MLXIPL: variants seen among roughly 807,000 people sequenced by gnomAD.
MLXIPL encodes the protein carbohydrate-responsive element-binding protein.
In MLXIPL, 49 loss-of-function variants were observed where a neutral mutation model predicts 81.5. That is an observed-to-expected ratio of 0.60 (90% CI 0.48 to 0.76). The LOEUF is 0.76. Ranked by LOEUF, MLXIPL falls within the 30% of genes least tolerant of loss-of-function variation. The pLI, the probability that MLXIPL is intolerant of heterozygous loss-of-function variation, is 0.00. For synonymous variants in MLXIPL, 466 were observed against 485.5 expected, an observed-to-expected ratio of 0.96 and a Z score of 0.53; for missense variants, 1,053 against 1,167.0, an observed-to-expected ratio of 0.90 and a Z score of 1.42.
At chr7:73,598,541 A>G (rs1794536271) in intron 8 of MLXIPL, among the ~76,000 whole-genome samples, 1 of 152,146 alleles carries the variant, frequency 6.6e-6, no homozygotes, top group African/African-American at 2.4e-5. Context: ...ACCGCAGTCT[A>G]AGATGCATCT....
At chr7:73,607,531 G>A in intron 3 of MLXIPL, 59 bp downstream of exon 3, 2 of 1,588,882 alleles carry the variant, frequency 1.3e-6, no homozygotes, top group Non-Finnish European at 1.7e-6. Flanking sequence ...AGGAGGCAGG[G>A]GCTGGTCTTG....
chr7:73,646,326 C>A, the MLXIPL span, among the ~76,000 whole-genome samples: 2 of 152,212 alleles, frequency 1.3e-5, no homozygotes, highest in Non-Finnish European at 1.5e-5. Context: ...TCTTCCATCC[C>A]ACTCTACAGC....
At chr7:73,629,075 C>A (rs1476531847), upstream of MLXIPL, among the ~76,000 whole-genome samples, 5 of 150,342 alleles carry the variant, frequency 3.3e-5, no homozygotes, top group Admixed American at 2.7e-4. Flanking sequence ...CCAAGTCTTG[C>A]TCTGTCGCCC....
chr7:73,615,674 G>A (rs1795965173), intron 2 of MLXIPL, among the ~76,000 whole-genome samples: 1 of 152,070 alleles, frequency 6.6e-6, no homozygotes, highest in African/African-American at 2.4e-5. Context: ...CAGCACTTTG[G>A]GAGGCCAAGG....
chr7:73,613,098 C>T (rs1324758634), intron 2 of MLXIPL, among the ~76,000 whole-genome samples: 1 of 152,128 alleles, frequency 6.6e-6, no homozygotes, highest in African/African-American at 2.4e-5. Flanking sequence ...TGGCAGAGCC[C>T]TTCCTGCTTG....
At position 73,594,330 on chromosome 7, in the gene MLXIPL, C is replaced by T. The variant is rs200316433; in HGVS notation, c.2384G>A (p.Arg795His). 58 of 1,611,248 alleles carry T rather than the reference C, an allele frequency of 3.6e-5. No homozygotes were observed. In the East Asian group the frequency reaches 8.2e-4, roughly 23 times the overall value. Reference protein sequence around the residue: ...MVSTASVHTLRQTSLAWLDQY... With the variant: ...MVSTASVHTLHQTSLAWLDQY... ...GTCCAGCCAGGCCAGTGAGGTCTGGCGGAGGGTGTGCACACTTGCCGTGGA... is the reference window on the plus strand; with the variant it reads ...GTCCAGCCAGGCCAGTGAGGTCTGGTGGAGGGTGTGCACACTTGCCGTGGA... The change falls in exon 16 of 17, where the codon CGC (arginine) becomes CAC (histidine). Residue 795 changes from arginine to histidine, a missense_variant. Around this residue, in one of 3 missense-constraint regions of MLXIPL, gnomAD observed 823 missense variants for 933.0 expected, o/e 0.88. Coordinates refer to ENST00000313375, the MANE Select transcript of MLXIPL (RefSeq NM_032951.3).
At chr7:73,607,236 G>A (rs1554598481) in intron 4 of MLXIPL, 95 bp downstream of exon 4, 3 of 1,371,432 alleles carry the variant, frequency 2.2e-6, no homozygotes, top group Non-Finnish European at 3.0e-6. Context: ...AAGCTCGGGG[G>A]TCAGGATCCC....
At chr7:73,639,260 G>C in the MLXIPL span, among the ~76,000 whole-genome samples, 1 of 151,948 alleles carries the variant, frequency 6.6e-6, no homozygotes, top group Non-Finnish European at 1.5e-5. Flanking sequence ...AGTAACATGG[G>C]ACTGTATTTT....
At chr7:73,621,325 A>G (rs1400786736) in intron 1 of MLXIPL, among the ~76,000 whole-genome samples, 1 of 151,486 alleles carries the variant, frequency 6.6e-6, no homozygotes, top group African/African-American at 2.4e-5. Context: ...GAGCCATGGA[A>G]GACGGCCTCC....
Position 73,605,699 on chromosome 7 carries a change from A to T in MLXIPL, c.890T>A (p.Met297Lys). 6.2e-7 allele frequency: 1 copy of T among 1,613,580 alleles called. No individual in the cohort carries two copies. Among genetic ancestry groups the T allele is most frequent in the Non-Finnish European group, 8.5e-7 (1 of 1,179,878 alleles). Reference protein sequence around the residue: ...TPLQPSLDDFMDISDFFTNSR... With the variant: ...TPLQPSLDDFKDISDFFTNSR... Reference sequence around the variant, plus strand: ...GGGGCTCGCCCCACCTGAGATGTCCATGAAGTCATCCAGGCTTGGCTGCAG... The same window carrying T: ...GGGGCTCGCCCCACCTGAGATGTCCTTGAAGTCATCCAGGCTTGGCTGCAG... Residue 297 changes from methionine (M) to lysine (K), a missense_variant, in exon 7 of 17, where the codon ATG becomes AAG. Coordinates refer to ENST00000313375, the MANE Select transcript of MLXIPL (RefSeq NM_032951.3).
Position 73,607,888 on chromosome 7 carries a change from C to T in MLXIPL, c.401-216G>A, listed in dbSNP as rs1328315682. Among the ~76,000 whole-genome samples, 42 of 119,572 alleles carry T rather than the reference C, an allele frequency of 3.5e-4. 1 individual carries two copies. Among genetic ancestry groups the T allele is most frequent in the Non-Finnish European group, 7.3e-4 (42 of 57,522 alleles). The allele number at this position is 119,572 out of a possible 152,430, so 78.4% of individuals were successfully genotyped here. A position where few individuals can be genotyped will look rare whatever the true frequency, so the allele number is the denominator to read the frequency against. ...TTTTTTTTTTGGAGATAGGGTTTCA[C>T]TCTTGTTGCCCAGGCTGGAGTGCAA... On this transcript the variant is annotated intron_variant, in intron 2 of 16. Transcript: ENST00000313375.
chr7:73,593,795 A>T lies in MLXIPL; in HGVS notation c.*70T>A, dbSNP rs1174651386. 5 of 1,321,580 alleles carry T rather than the reference A, an allele frequency of 3.8e-6. No homozygotes were observed. Among genetic ancestry groups the T allele is most frequent in the South Asian group, 2.4e-5 (2 of 85,088 alleles). The allele number at this position is 1,321,580 out of a possible 1,614,324, so 81.9% of individuals were successfully genotyped here. On this transcript the variant is annotated 3_prime_UTR_variant, in exon 17 of 17. Transcript: ENST00000313375. The stretch of plus-strand genomic sequence containing the variant: ...GGCAGGAAGGGAGTGCCCAGAGATG[A>T]TCCCTGGAGCCCGTGCCCAGGGAAA...
chr7:73,646,962 C>T, the MLXIPL span, among the ~76,000 whole-genome samples: 1 of 152,120 alleles, frequency 6.6e-6, no homozygotes, highest in South Asian at 2.1e-4. Context: ...CACTGTCCCC[C>T]AAAGCAACCT....
chr7:73,628,228 A>C (rs1459946892), upstream of MLXIPL, among the ~76,000 whole-genome samples: 6 of 151,928 alleles, frequency 3.9e-5, no homozygotes, highest in African/African-American at 1.5e-4. Flanking sequence ...AAAACATCAG[A>C]GTTGTCTCCT....
intron 7 of MLXIPL, 39 bp downstream of exon 7, chr7:73,605,649 C>T (rs1345512144): frequency 8.7e-6 from 14 of 1,606,372 alleles, no homozygotes; most frequent in Non-Finnish European, 1.1e-5. Context: ...TCACACAGAC[C>T]CTGCCCGTCC....
the MLXIPL span, among the ~76,000 whole-genome samples, chr7:73,639,613 TA>T: frequency 4.1e-4 from 60 of 144,678 alleles, no homozygotes; most frequent in East Asian, 1.4e-3. Context: ...ACCCTATCTT[TA>T]AAAAAAAAAA....
the MLXIPL span, among the ~76,000 whole-genome samples, chr7:73,636,353 T>G: frequency 2.7e-5 from 4 of 148,972 alleles, no homozygotes; most frequent in Non-Finnish European, 5.9e-5. Flanking sequence ...GAGGTTGTGG[T>G]GAGCCGAGAT....
chr7:73,621,890 A>C (rs1256383718), intron 1 of MLXIPL, among the ~76,000 whole-genome samples: 25 of 21,414 alleles, frequency 1.2e-3, no homozygotes, highest in African/African-American at 1.5e-3. Flanking sequence ...CCCTCCCTCC[A>C]TTTCCCTCTA....
chr7:73,624,993 C>T (rs974156217), upstream of MLXIPL, among the ~76,000 whole-genome samples: 1 of 151,760 alleles, frequency 6.6e-6, no homozygotes, highest in Non-Finnish European at 1.5e-5. Context: ...CCCAGGAGTT[C>T]GACAATATGG....
Sources: gnomAD v4.1 joint callset for allele counts (sites outside exome capture counted in the v4.1 genomes callset) on GRCh38, gnomAD v4.1.1 for gene constraint, gnomAD v4.1.1 regional missense constraint, MANE v1.5 for transcripts, NCBI Gene and HGNC (gene_info 2026-07-23, HGNC 2026-07-21) for gene names.